PRKN: variants seen among roughly 807,000 people sequenced by gnomAD.
The protein encoded by PRKN is parkin RBR E3 ubiquitin protein ligase.
In PRKN, 56 loss-of-function variants were observed where a neutral mutation model predicts 59.5. The ratio of observed to expected loss-of-function variants is 0.94; its 90% CI spans 0.76 to 1.18. The LOEUF (loss-of-function observed/expected upper bound fraction) is 1.18, where lower values mean the gene tolerates loss of function less well. Among genes scored for constraint, PRKN ranks in the 50% most tolerant of loss-of-function variants. The pLI is 0.00. For missense variants in PRKN, 657 were observed against 596.4 expected (o/e 1.10, Z -1.06); for synonymous variants, 250 against 222.1 (o/e 1.13, Z -1.12).
At chr6:161,949,512 A>AAAAC (rs10644394) in intron 6 of PRKN, among the ~76,000 whole-genome samples, 15,200 of 151,976 alleles carry the variant, frequency 0.1, 955 homozygotes, top group African/African-American at 0.18. Flanking sequence ...CTCTGTCTTA[A>AAAAC]AAACAAACAA....
chr6:161,863,815 G>A (rs552619094), intron 6 of PRKN, among the ~76,000 whole-genome samples: 1 of 152,244 alleles, frequency 6.6e-6, no homozygotes, highest in East Asian at 1.9e-4. Flanking sequence ...AGGGAATACT[G>A]CAATAAAGTG....
chr6:162,677,678 T>C (rs2128231847), intron 1 of PRKN, among the ~76,000 whole-genome samples: 1 of 152,290 alleles, frequency 6.6e-6, no homozygotes, highest in African/African-American at 2.4e-5. Flanking sequence ...TGCTAGTATG[T>C]AATGCAATTG....
intron 2 of PRKN, among the ~76,000 whole-genome samples, chr6:162,294,786 G>C (rs1781594062): frequency 6.6e-6 from 1 of 151,980 alleles, no homozygotes; most frequent in Non-Finnish European, 1.5e-5. Context: ...GAAAAGAATA[G>C]AAAAAAGAGT....
intron 7 of PRKN, among the ~76,000 whole-genome samples, chr6:161,622,043 C>T (rs919296348): frequency 4.6e-5 from 7 of 152,124 alleles, no homozygotes; most frequent in Non-Finnish European, 7.4e-5. Flanking sequence ...GTGTAACGAG[C>T]GCTTTTGGTA....
intron 7 of PRKN, among the ~76,000 whole-genome samples, chr6:161,734,550 G>T (rs1330304661): frequency 6.6e-6 from 1 of 152,174 alleles, no homozygotes; most frequent in Non-Finnish European, 1.5e-5. Flanking sequence ...TGGAAACTGA[G>T]GGGTAATACA....
chr6:161,392,714 C>T (rs1786568810), intron 9 of PRKN, among the ~76,000 whole-genome samples: 1 of 151,388 alleles, frequency 6.6e-6, no homozygotes, highest in South Asian at 2.1e-4. Flanking sequence ...TGGTGCCACA[C>T]TTTTAACTTA....
rs1554237961 is a variant in PRKN at position 161,874,820 on chromosome 6, A to AATATATAAAATATATATG, written c.735-88913_735-88912insCATATATATTTTATATAT. 1.0e-4 allele frequency among the ~76,000 whole-genome samples: 11 copies of AATATATAAAATATATATG among 105,538 alleles called. 1 individual carries two copies. The highest frequency in any genetic ancestry group is 3.2e-4 in the South Asian group (1 of 3,170). The allele number at this position is 105,538 out of a possible 152,430, so 69.2% of individuals were successfully genotyped here. A position where few individuals can be genotyped will look rare whatever the true frequency, so the allele number is the denominator to read the frequency against. On this transcript the variant is annotated intron_variant, in intron 6 of 11. Coordinates refer to ENST00000366898, the MANE Select transcript of PRKN (RefSeq NM_004562.3). ...AATGTATAAGATATATAAAATGTAT[A>AATATATAAAATATATATG]ATATATAAAATGTATAATATATAAA...
chr6:161,557,180 T>G (rs1368876846), intron 8 of PRKN, among the ~76,000 whole-genome samples: 2 of 152,236 alleles, frequency 1.3e-5, no homozygotes, highest in African/African-American at 4.8e-5. Flanking sequence ...GAATCCTGAC[T>G]CACTGCTATA....
Position 161,554,568 on chromosome 6 carries a change from A to G in PRKN, c.934-5565T>C, listed in dbSNP as rs780086549. Among the ~76,000 whole-genome samples the G allele has an allele frequency of 8.5e-5, 13 of 152,074 alleles. No individual in the cohort carries two copies. Among genetic ancestry groups the G allele is most frequent in the Admixed American group, 8.5e-4 (13 of 15,256 alleles). On this transcript the variant is annotated intron_variant, in intron 8 of 11. Transcript: ENST00000366898. The surrounding 1 kb of genome is among the most constrained non-coding windows in gnomAD (Gnocchi z 4.5). ...TACAGTCACTGAGTTCTTCCATAGT[A>G]ACAGTTTATTTAGGGCTTTTATTCT... is the stretch of plus-strand genomic sequence containing the variant.
chr6:162,605,120 A>G (rs956391818), intron 1 of PRKN, among the ~76,000 whole-genome samples: 1 of 152,210 alleles, frequency 6.6e-6, no homozygotes, highest in Non-Finnish European at 1.5e-5. Context: ...AGAATCCTTT[A>G]CTTCTAGCTT....
rs1784753097 is a variant in PRKN, at chr6:161,356,419, G to T, written c.1285+3669C>A. On this transcript the variant is annotated intron_variant, in intron 11 of 11. Coordinates refer to ENST00000366898, the MANE Select transcript of PRKN (RefSeq NM_004562.3). The surrounding 1 kb of genome is among the most constrained non-coding windows in gnomAD (Gnocchi z 7.8). The stretch of plus-strand genomic sequence containing the variant: ...ACTGTGTGGTTGCAATGTCAGTGGG[G>T]ACCCCCGGGGGGAAGGGCAGGACTG... Among the ~76,000 whole-genome samples the T allele has an allele frequency of 6.6e-6, 1 of 152,202 alleles. No homozygotes were observed. The highest frequency in any genetic ancestry group is 6.5e-5 in the Admixed American group (1 of 15,280).
chr6:161,575,363 C>T lies in PRKN; in HGVS notation c.872-5947G>A, dbSNP rs2128136375. Among the ~76,000 whole-genome samples the T allele has an allele frequency of 6.6e-6, 1 of 152,218 alleles. No homozygotes were observed. The stretch of plus-strand genomic sequence containing the variant: ...CGCGTCACAAAGTTGTGTAGCATTT[C>T]CACAAAGTCACTGACAGCTACTGAG... On this transcript the variant is annotated intron_variant, in intron 7 of 11. Transcript: ENST00000366898. The surrounding 1 kb of genome is among the most constrained non-coding windows in gnomAD (Gnocchi z 4.6).
At position 161,529,306 on chromosome 6, in the gene PRKN, T is replaced by C. The variant is rs1209183482; in HGVS notation, c.1083+19548A>G. Among the ~76,000 whole-genome samples, 1 of 152,174 alleles carries C rather than the reference T, an allele frequency of 6.6e-6. No individual in the cohort carries two copies. The highest frequency in any genetic ancestry group is 1.5e-5 in the Non-Finnish European group (1 of 68,022). ...GACACCTGGTTGTGGCTGACGGCTGTGTCCCTCCAGCTGCCTCACCTGGGG... is the reference window on the plus strand; with the variant it reads ...GACACCTGGTTGTGGCTGACGGCTGCGTCCCTCCAGCTGCCTCACCTGGGG... On this transcript the variant is annotated intron_variant, in intron 9 of 11. Transcript: ENST00000366898. The surrounding 1 kb of genome is among the most constrained non-coding windows in gnomAD (Gnocchi z 4.4).
intron 1 of PRKN, among the ~76,000 whole-genome samples, chr6:162,716,714 T>C (rs4260737): frequency 0.19 from 13,000 of 68,590 alleles, 701 homozygotes; most frequent in Middle Eastern, 0.36. Context: ...GTGAGTTATG[T>C]CCTTGGCTAG....
chr6:161,439,678 AC>A (rs1399693322), intron 9 of PRKN, among the ~76,000 whole-genome samples: 1 of 147,008 alleles, frequency 6.8e-6, no homozygotes, highest in Non-Finnish European at 1.5e-5. Flanking sequence ...CTAGAAGTGT[AC>A]CTTTGGTGAA....
At chr6:162,557,869 C>T (rs1779674466) in intron 1 of PRKN, among the ~76,000 whole-genome samples, 1 of 152,156 alleles carries the variant, frequency 6.6e-6, no homozygotes, top group Non-Finnish European at 1.5e-5. Context: ...CTGACCACCT[C>T]AAAGATGCTA....
intron 2 of PRKN, among the ~76,000 whole-genome samples, chr6:162,340,411 A>G (rs1328424990): frequency 2.0e-5 from 3 of 152,250 alleles, no homozygotes; most frequent in Non-Finnish European, 2.9e-5. Flanking sequence ...TAGTCAAACC[A>G]TAATGAAATT....
At chr6:161,511,571 G>A (rs1778393957) in intron 9 of PRKN, among the ~76,000 whole-genome samples, 1 of 152,116 alleles carries the variant, frequency 6.6e-6, no homozygotes, top group African/African-American at 2.4e-5. Context: ...TCTGTGAAAG[G>A]TTTTAGCCCA....
intron 9 of PRKN, among the ~76,000 whole-genome samples, chr6:161,433,389 C>T (rs1306369035): frequency 5.0e-5 from 7 of 139,920 alleles, no homozygotes; most frequent in Non-Finnish European, 1.1e-4. Context: ...TAACTGTTTA[C>T]TACTAATAAT....
Sources: gnomAD v4.1 joint callset for allele counts (sites outside exome capture counted in the v4.1 genomes callset) on GRCh38, gnomAD v4.1.1 for gene constraint, Gnocchi (gnomAD v3.1) non-coding constraint, MANE v1.5 for transcripts, NCBI Gene and HGNC (gene_info 2026-07-23, HGNC 2026-07-21) for gene names.